The following DIAPH3 variants were observed in gnomAD, a reference collection of about 807,000 sequenced individuals.
DIAPH3 encodes diaphanous related formin 3.
DIAPH3 carries 117 observed loss-of-function variants against 144.3 expected under a neutral mutation model. The ratio of observed to expected loss-of-function variants is 0.81; its 90% CI spans 0.70 to 0.95. The LOEUF (loss-of-function observed/expected upper bound fraction) is 0.95. Ranked by LOEUF, DIAPH3 falls within the 40% of genes least tolerant of loss-of-function variation. DIAPH3 has a pLI of 0.00. For missense variants in DIAPH3, 1,421 were observed against 1,412.7 expected (o/e 1.01, Z -0.09); for synonymous variants, 519 against 488.9 (o/e 1.06, Z -0.81).
At chr13:59,910,055 A>C (rs2140228694) in intron 20 of DIAPH3, among the ~76,000 whole-genome samples, 1 of 152,328 alleles carries the variant, frequency 6.6e-6, no homozygotes, top group Non-Finnish European at 1.5e-5. Context: ...GCAACATAAA[A>C]AGCTACTTGT....
At chr13:60,147,248 T>C (rs554786833) in intron 1 of DIAPH3, 11 of 152,246 alleles carry the variant, frequency 7.2e-5, no homozygotes, top group African/African-American at 2.6e-4. Context: ...CAAATTCCTA[T>C]TTACAGAGAA....
At chr13:59,975,013 T>C (rs751840860) in intron 14 of DIAPH3, among the ~76,000 whole-genome samples, 34 of 152,122 alleles carry the variant, frequency 2.2e-4, no homozygotes, top group Non-Finnish European at 4.0e-4. Flanking sequence ...TCAAAGTCCC[T>C]AGTGAAATAC....
chr13:59,901,376 G>A (rs1273402797), intron 20 of DIAPH3, among the ~76,000 whole-genome samples: 1 of 152,050 alleles, frequency 6.6e-6, no homozygotes, highest in Admixed American at 6.6e-5. Context: ...TGCTGTTTGT[G>A]GTCTCTTCTG....
In DIAPH3 at chr13:60,163,696, G is replaced by C. The variant is rs1219630512; in HGVS notation, c.71C>G (p.Ser24Ter). The C allele has an allele frequency of 6.2e-7, 1 of 1,608,280 alleles. No individual in the cohort carries two copies. Among genetic ancestry groups the C allele is most frequent in the African/African-American group, 1.3e-5 (1 of 74,864 alleles). Reference sequence around the variant, plus strand: ...TTCCCGGCAGCCGCGGAGAGAGGCTGAGGAAGGGTAGGGAGTCCCAGCGGC... The same window carrying C: ...TTCCCGGCAGCCGCGGAGAGAGGCTCAGGAAGGGTAGGGAGTCCCAGCGGC... ...GSAAGTPYPS[S>*]ASLRGCRESK... is the part of the protein sequence containing the mutation. Residue 24 changes from serine (S) to a stop codon, truncating the protein, a stop_gained, in exon 1 of 28, where the codon TCA becomes TGA. Coordinates refer to ENST00000400324, the MANE Select transcript of DIAPH3 (RefSeq NM_001042517.2). LOFTEE classifies it high-confidence loss of function.
At chr13:59,820,769 G>C (rs1759962) in intron 24 of DIAPH3, among the ~76,000 whole-genome samples, 1 of 150,240 alleles carries the variant, frequency 6.7e-6, no homozygotes, top group Non-Finnish European at 1.5e-5. Context: ...ATACTATTTA[G>C]TGTTATAATA....
At chr13:59,803,245 G>A (rs1178183449) in intron 25 of DIAPH3, among the ~76,000 whole-genome samples, 3 of 152,210 alleles carry the variant, frequency 2.0e-5, no homozygotes, top group South Asian at 2.1e-4. Context: ...CCTAGAATAT[G>A]AACAGGGTGA....
At chr13:59,774,004 C>A in intron 27 of DIAPH3, 185 bp downstream of exon 27, 1 of 528,554 alleles carries the variant, frequency 1.9e-6, no homozygotes, top group Non-Finnish European at 3.3e-6. Flanking sequence ...GACACAACCT[C>A]AAGGCAATAA....
chr13:59,906,667 T>C (rs1251104762), intron 20 of DIAPH3, among the ~76,000 whole-genome samples: 4 of 152,170 alleles, frequency 2.6e-5, no homozygotes, highest in Non-Finnish European at 5.9e-5. Flanking sequence ...AACAGGACAT[T>C]TGTTCGATTC....
intron 2 of DIAPH3, among the ~76,000 whole-genome samples, chr13:60,114,061 T>C (rs1366485114): frequency 6.6e-6 from 1 of 152,200 alleles, no homozygotes; most frequent in Non-Finnish European, 1.5e-5. Context: ...TTCTGGACTT[T>C]GAAAGAGCAT....
intron 24 of DIAPH3, among the ~76,000 whole-genome samples, chr13:59,827,474 G>A (rs1205489688): frequency 6.6e-6 from 1 of 152,044 alleles, no homozygotes; most frequent in African/African-American, 2.4e-5. Context: ...TGAAGAGGAT[G>A]AAAGCATTAG....
At chr13:59,957,199 G>C (rs1207546416) in intron 17 of DIAPH3, among the ~76,000 whole-genome samples, 1 of 152,134 alleles carries the variant, frequency 6.6e-6, no homozygotes, top group East Asian at 1.9e-4. Context: ...ATTTGGGAGG[G>C]ACCAGGGGTG....
chr13:59,879,078 C>G, intron 21 of DIAPH3, 151 bp downstream of exon 21: 1 of 1,054,980 alleles, frequency 9.5e-7, no homozygotes, highest in South Asian at 1.6e-5. Context: ...AGTAAATTAG[C>G]TCAGTTCACT....
intron 20 of DIAPH3, among the ~76,000 whole-genome samples, chr13:59,886,706 G>GT (rs563783843): frequency 2.1e-4 from 32 of 151,292 alleles, no homozygotes; most frequent in African/African-American, 6.1e-4. Context: ...AGTATTTTTA[G>GT]TTTTTTTTAT....
At chr13:59,765,670 C>T (rs1216704370) in intron 27 of DIAPH3, among the ~76,000 whole-genome samples, 1 of 152,054 alleles carries the variant, frequency 6.6e-6, no homozygotes, top group Non-Finnish European at 1.5e-5. Context: ...TAGTTTTATG[C>T]TTTCACAAAT....
intron 1 of DIAPH3, among the ~76,000 whole-genome samples, chr13:60,161,460 GA>G (rs1173224774): frequency 2.3e-4 from 35 of 152,348 alleles, no homozygotes; most frequent in Admixed American, 6.5e-5. Flanking sequence ...TTGAGACTGG[GA>G]TACTGAACTT....
chr13:59,950,980 AT>A (rs927311003), intron 17 of DIAPH3, among the ~76,000 whole-genome samples: 25 of 152,156 alleles, frequency 1.6e-4, no homozygotes, highest in African/African-American at 6.0e-4. Flanking sequence ...AATTTTCTAA[AT>A]TTTCTGTAAC....
chr13:59,722,759 G>A (rs946120273), intron 27 of DIAPH3, among the ~76,000 whole-genome samples: 1 of 152,158 alleles, frequency 6.6e-6, no homozygotes, highest in Non-Finnish European at 1.5e-5. Flanking sequence ...AGGTTCTGGA[G>A]CCAGCAGCTT....
At chr13:59,761,494 C>T (rs75563022) in intron 27 of DIAPH3, among the ~76,000 whole-genome samples, 2 of 151,422 alleles carry the variant, frequency 1.3e-5, no homozygotes, top group Non-Finnish European at 2.9e-5. Context: ...CATTTTTTTT[C>T]GCACATTAAG....
intron 2 of DIAPH3, among the ~76,000 whole-genome samples, chr13:60,119,600 A>G (rs1442951305): frequency 1.5e-4 from 23 of 151,098 alleles, no homozygotes; most frequent in African/African-American, 4.9e-4. Flanking sequence ...ACAAAAAATT[A>G]GCCGGGCGTA....
Sources: allele counts gnomAD v4.1 joint callset (sites outside exome capture counted in the v4.1 genomes callset), GRCh38; gene constraint gnomAD v4.1.1; transcripts MANE v1.5; gene names NCBI Gene and HGNC (gene_info 2026-07-23, HGNC 2026-07-21).